The following DOCK8 variants were observed in gnomAD, a reference collection of about 807,000 sequenced individuals.
DOCK8 encodes the protein dedicator of cytokinesis protein 8.
DOCK8 carries 141 observed loss-of-function variants against 245.6 expected under a neutral mutation model. The ratio of observed to expected loss-of-function variants is 0.57; its 90% confidence interval spans 0.50 to 0.66. DOCK8 has a LOEUF of 0.66. Ranked by LOEUF, DOCK8 falls within the 30% of genes least tolerant of loss-of-function variation. The pLI is 0.00. For synonymous variants in DOCK8, 1,168 were observed against 970.2 expected, an observed-to-expected ratio of 1.20 and a Z score of -3.79; for missense variants, 2,965 against 2,603.4, an observed-to-expected ratio of 1.14 and a Z score of -3.02.
intron 4 of DOCK8, 125 bp downstream of exon 4, chr9:289,706 C>T: frequency 3.9e-6 from 3 of 770,154 alleles, no homozygotes; most frequent in Non-Finnish European, 6.3e-6. Flanking sequence ...ATAGAGTTCT[C>T]ATGTATGCCT....
At chr9:463,119 C>T (rs185989285) in intron 46 of DOCK8, among the ~76,000 whole-genome samples, 1 of 152,216 alleles carries the variant, frequency 6.6e-6, no homozygotes, top group East Asian at 1.9e-4. Flanking sequence ...GGGCCAGAAG[C>T]AATGGCCCAC....
In DOCK8 at chr9:414,997, C is replaced by G. The variant is rs2055924941; in HGVS notation, c.3700+46C>G. ...TTTCTTGGATTGTTGGGGGCCCCTG[C>G]CAAATGCCCCATCCGAATGAGATCT... On this transcript the variant is annotated intron_variant, in intron 29 of 47. Coordinates refer to ENST00000432829, the MANE Select transcript of DOCK8 (RefSeq NM_203447.4). 4.4e-6 allele frequency: 7 copies of G among 1,606,064 alleles called. No homozygotes were observed. The East Asian group carries it at 1.6e-4, about 36-fold the overall frequency.
At chr9:338,018 G>A (rs10971151) in intron 12 of DOCK8, among the ~76,000 whole-genome samples, 7,136 of 152,204 alleles carry the variant, frequency 0.047, 217 homozygotes, top group Admixed American at 0.075. Context: ...GCCGGGTGTG[G>A]TGGTGCACAC....
intron 23 of DOCK8, among the ~76,000 whole-genome samples, chr9:387,379 G>A (rs1448953382): frequency 2.0e-5 from 3 of 151,508 alleles, no homozygotes; most frequent in South Asian, 2.1e-4. Context: ...GGAGGCAGAG[G>A]CTGCAGTGAG....
chr9:274,008 C>A (rs1184887333), intron 2 of DOCK8, among the ~76,000 whole-genome samples: 5 of 152,110 alleles, frequency 3.3e-5, no homozygotes, highest in African/African-American at 1.2e-4. Flanking sequence ...GCCCGGCCAC[C>A]AGCTTTTACT....
At chr9:405,832 C>T (rs2055391118) in intron 27 of DOCK8, among the ~76,000 whole-genome samples, 1 of 152,238 alleles carries the variant, frequency 6.6e-6, no homozygotes, top group Non-Finnish European at 1.5e-5. Flanking sequence ...AGCTACATGA[C>T]CATCTTACTG....
intron 2 of DOCK8, among the ~76,000 whole-genome samples, chr9:273,498 A>G (rs757047634): frequency 2.0e-5 from 3 of 152,214 alleles, no homozygotes; most frequent in Non-Finnish European, 4.4e-5. Flanking sequence ...TTAGTTTAAA[A>G]TAGATTGGAT....
chr9:359,765 T>C, intron 14 of DOCK8, among the ~76,000 whole-genome samples: 1 of 148,052 alleles, frequency 6.8e-6, no homozygotes, highest in Admixed American at 6.8e-5. Flanking sequence ...TTGGCTTTGC[T>C]GCATTTCCAC....
At chr9:386,213 T>C in intron 22 of DOCK8, 118 bp from the exon 23 acceptor site, 2 of 841,606 alleles carry the variant, frequency 2.4e-6, no homozygotes, top group South Asian at 2.9e-5. Context: ...TTGTTTTACC[T>C]TTGTAACCAG....
At chr9:328,247 A>G in intron 9 of DOCK8, 76 bp downstream of exon 9, 2 of 1,521,812 alleles carry the variant, frequency 1.3e-6, no homozygotes, top group East Asian at 2.4e-5. Flanking sequence ...TTTGGGGTGC[A>G]CGCAATCTCA....
At chr9:344,491 A>G (rs1454710274) in intron 14 of DOCK8, among the ~76,000 whole-genome samples, 1 of 152,102 alleles carries the variant, frequency 6.6e-6, no homozygotes, top group East Asian at 1.9e-4. Flanking sequence ...CGACATGGAA[A>G]TGGAAAGAAT....
intron 1 of DOCK8, among the ~76,000 whole-genome samples, chr9:251,723 C>A (rs2047651065): frequency 1.3e-5 from 2 of 152,172 alleles, no homozygotes; most frequent in African/African-American, 2.4e-5. Flanking sequence ...TAATACCTCC[C>A]TCATAGAGTT....
chr9:373,065 G>A (rs996104129), intron 18 of DOCK8, among the ~76,000 whole-genome samples: 1 of 152,194 alleles, frequency 6.6e-6, no homozygotes, highest in Non-Finnish European at 1.5e-5. Flanking sequence ...TACTCGGGAG[G>A]CTGAGGCAGG....
At chr9:299,239 C>T (rs1443065625) in intron 4 of DOCK8, among the ~76,000 whole-genome samples, 1 of 152,138 alleles carries the variant, frequency 6.6e-6, no homozygotes, top group African/African-American at 2.4e-5. Context: ...AAAGTTTACC[C>T]AGTCAGCACA....
At chr9:390,337 C>T in intron 23 of DOCK8, 134 bp from the exon 24 acceptor site, 1 of 820,150 alleles carries the variant, frequency 1.2e-6, no homozygotes, top group Non-Finnish European at 2.0e-6. Flanking sequence ...CCACTTACTG[C>T]CTAGAACATC....
chr9:414,655 C>G, intron 28 of DOCK8, 127 bp from the exon 29 acceptor site: 1 of 1,126,014 alleles, frequency 8.9e-7, no homozygotes, highest in Non-Finnish European at 1.3e-6. Flanking sequence ...GTAGTTCTAT[C>G]CTATATTGCT....
At chr9:342,763 C>T (rs1433277017) in intron 14 of DOCK8, among the ~76,000 whole-genome samples, 1 of 152,152 alleles carries the variant, frequency 6.6e-6, no homozygotes, top group Non-Finnish European at 1.5e-5. Context: ...CCACCATGCC[C>T]ATCCTGTTAT....
chr9:316,032 A>G (rs979265292), intron 6 of DOCK8, among the ~76,000 whole-genome samples: 3 of 152,228 alleles, frequency 2.0e-5, no homozygotes, highest in Non-Finnish European at 4.4e-5. Flanking sequence ...CCGTAACCAC[A>G]AGGAATGGGG....
At chr9:307,604 C>T (rs2049907018) in intron 5 of DOCK8, among the ~76,000 whole-genome samples, 1 of 151,940 alleles carries the variant, frequency 6.6e-6, no homozygotes, top group African/African-American at 2.4e-5. Flanking sequence ...GTGATCCACC[C>T]ACCTTGGCCT....
Sources: allele counts gnomAD v4.1 joint callset (sites outside exome capture counted in the v4.1 genomes callset), GRCh38; gene constraint gnomAD v4.1.1; transcripts MANE v1.5; gene names NCBI Gene and HGNC (gene_info 2026-07-23, HGNC 2026-07-21).